The following SMAD3 variants were observed in gnomAD, a reference collection of about 807,000 sequenced individuals.
The protein encoded by SMAD3 is SMAD family member 3.
A neutral mutation model predicts 51.8 loss-of-function variants in SMAD3; 12 were observed. The ratio of observed to expected loss-of-function variants is 0.23; its 90% CI spans 0.15 to 0.38. The LOEUF is 0.38. SMAD3 is among the 10% of genes least tolerant of loss of function. The pLI, the probability that SMAD3 is intolerant of heterozygous loss-of-function variation, is 1.00. For synonymous variants in SMAD3, 238 were observed against 227.7 expected (o/e 1.05, Z -0.41); for missense variants, 294 against 565.6 (o/e 0.52, Z 4.87).
At chr15:67,086,999 G>A (rs1392961855) in intron 1 of SMAD3, among the ~76,000 whole-genome samples, 13 of 151,628 alleles carry the variant, frequency 8.6e-5, no homozygotes, top group South Asian at 2.1e-4. Flanking sequence ...AGGTTCAAGC[G>A]ATTCTCGTGC....
At chr15:67,155,168 C>G (rs1038013439) in intron 1 of SMAD3, among the ~76,000 whole-genome samples, 16 of 152,226 alleles carry the variant, frequency 1.1e-4, no homozygotes, top group African/African-American at 3.6e-4. Flanking sequence ...AGTTTTCAGG[C>G]AGACATAGAG....
At chr15:67,160,635 G>C (rs1962400689) in intron 1 of SMAD3, among the ~76,000 whole-genome samples, 1 of 151,954 alleles carries the variant, frequency 6.6e-6, no homozygotes, top group Admixed American at 6.6e-5. Flanking sequence ...GCCGGGCGCG[G>C]TGCCAGGCGC....
intron 1 of SMAD3, among the ~76,000 whole-genome samples, chr15:67,135,243 G>A (rs2140257254): frequency 6.6e-6 from 1 of 152,268 alleles, no homozygotes; most frequent in African/African-American, 2.4e-5. Flanking sequence ...CCCAGTGAGG[G>A]TAAGAAAGAT....
chr15:67,176,759 T>C (rs1359611504), intron 5 of SMAD3, among the ~76,000 whole-genome samples: 1 of 152,172 alleles, frequency 6.6e-6, no homozygotes, highest in African/African-American at 2.4e-5. Flanking sequence ...ACTTGAGAAG[T>C]CTGGCCGACA....
intron 1 of SMAD3, among the ~76,000 whole-genome samples, chr15:67,125,331 C>T (rs1174403578): frequency 2.0e-5 from 3 of 152,334 alleles, no homozygotes; most frequent in East Asian, 1.9e-4. Flanking sequence ...CTCTTTGAAG[C>T]GCTGTTGCCT....
At chr15:67,082,096 A>T (rs114694641) in intron 1 of SMAD3, among the ~76,000 whole-genome samples, 76 of 149,948 alleles carry the variant, frequency 5.1e-4, no homozygotes, top group African/African-American at 1.8e-3. Flanking sequence ...TTCTGAGGAC[A>T]TGATGGTAAG....
At chr15:67,109,784 G>A (rs1001962833) in intron 1 of SMAD3, among the ~76,000 whole-genome samples, 1 of 152,154 alleles carries the variant, frequency 6.6e-6, no homozygotes, top group Non-Finnish European at 1.5e-5. Flanking sequence ...TGCCCCTTAC[G>A]CTCCGCCGGC....
chr15:67,153,212 C>T (rs915539049), intron 1 of SMAD3, among the ~76,000 whole-genome samples: 1 of 152,150 alleles, frequency 6.6e-6, no homozygotes, highest in East Asian at 1.9e-4. Context: ...TTCTGTTTGG[C>T]CAGGTGCAGT....
chr15:67,180,764 GT>G (rs1384486658), intron 5 of SMAD3, among the ~76,000 whole-genome samples: 1 of 151,956 alleles, frequency 6.6e-6, no homozygotes, highest in Non-Finnish European at 1.5e-5. Context: ...AGGGATTAAT[GT>G]GGGTTACTCT....
chr15:67,088,703 C>T (rs1341597735), intron 1 of SMAD3, among the ~76,000 whole-genome samples: 4 of 151,980 alleles, frequency 2.6e-5, no homozygotes, highest in African/African-American at 9.7e-5. Context: ...CCGAGGTGGG[C>T]GAATCACGAG....
At chr15:67,104,018 C>T (rs577493290) in intron 1 of SMAD3, among the ~76,000 whole-genome samples, 1 of 152,122 alleles carries the variant, frequency 6.6e-6, no homozygotes, top group East Asian at 1.9e-4. Flanking sequence ...GAAAGGGGTG[C>T]GTAGCCGAGA....
At chr15:67,158,980 A>G (rs1043666643) in intron 1 of SMAD3, among the ~76,000 whole-genome samples, 3 of 152,122 alleles carry the variant, frequency 2.0e-5, no homozygotes, top group Admixed American at 1.3e-4. Context: ...TTCAAATCAT[A>G]TATCTCTTTT....
chr15:67,151,669 T>C (rs1962149030), intron 1 of SMAD3, among the ~76,000 whole-genome samples: 1 of 152,206 alleles, frequency 6.6e-6, no homozygotes, highest in Non-Finnish European at 1.5e-5. Flanking sequence ...GTTAGAGTTT[T>C]TGAAAAATAT....
rs181442547 is a variant in SMAD3 at position 67,133,578 on chromosome 15, T to C, written c.207-31317T>C. Among the ~76,000 whole-genome samples, 404 of 152,284 alleles carry C rather than the reference T, an allele frequency of 2.7e-3. 6 individuals carry two copies. Among genetic ancestry groups the C allele is most frequent in the African/African-American group, 9.3e-3 (387 of 41,564 alleles). The stretch of plus-strand genomic sequence containing the variant: ...CCATTTGTGACCCCCAAAATGAATG[T>C]AGGTGTAGTTCCTTGCAATTAACTG... On this transcript the variant is annotated intron_variant, in intron 1 of 8. Transcript: ENST00000327367.
intron 1 of SMAD3, among the ~76,000 whole-genome samples, chr15:67,101,343 G>T (rs549159752): frequency 1.3e-5 from 2 of 152,248 alleles, no homozygotes; most frequent in East Asian, 3.9e-4. Context: ...CCCAGCACAG[G>T]GTAAATGAAA....
Position 67,156,709 on chromosome 15 carries a change from TGGC to T in SMAD3, c.207-8185_207-8183del, listed in dbSNP as rs1962292384. 2.4e-5 allele frequency among the ~76,000 whole-genome samples: 3 copies of T among 122,918 alleles called. No homozygotes were observed. The South Asian group carries it at 7.8e-4, about 32-fold the overall frequency. The allele number at this position is 122,918 out of a possible 152,430, so 80.6% of individuals were successfully genotyped here. A position where few individuals can be genotyped will look rare whatever the true frequency, so the allele number is the denominator to read the frequency against. On this transcript the variant is annotated intron_variant, in intron 1 of 8. Transcript: ENST00000327367. ...TTTATGCTCACTCATGCTTCTGTGG[TGGC>T]TTACCTGGGCTTGGTTCCTTGCTAC...
chr15:67,182,996 AAAAAATAT>A (rs1421671567), intron 6 of SMAD3, among the ~76,000 whole-genome samples: 14 of 55,380 alleles, frequency 2.5e-4, no homozygotes, highest in East Asian at 2.3e-3. Context: ...TAAAAAAAAA[AAAAAATAT>A]ATATATATAT....
chr15:67,082,931 A>T (rs1960309251), intron 1 of SMAD3, among the ~76,000 whole-genome samples: 1 of 152,168 alleles, frequency 6.6e-6, no homozygotes, highest in African/African-American at 2.4e-5. Context: ...CTGATTGTTT[A>T]AAAAAAGAAT....
chr15:67,093,974 C>T (rs1237842733), intron 1 of SMAD3, among the ~76,000 whole-genome samples: 2 of 152,212 alleles, frequency 1.3e-5, no homozygotes, highest in Admixed American at 1.3e-4. Context: ...ATGGTTTACC[C>T]GAGGGGACAC....
Sources: allele counts gnomAD v4.1 joint callset (sites outside exome capture counted in the v4.1 genomes callset), GRCh38; gene constraint gnomAD v4.1.1; transcripts MANE v1.5; gene names NCBI Gene and HGNC (gene_info 2026-07-23, HGNC 2026-07-21).